Variants in ATG7 observed in about 807,000 individuals in gnomAD.
ATG7 encodes ubiquitin-like modifier-activating enzyme ATG7.
A neutral mutation model predicts 82.4 loss-of-function variants in ATG7; 70 were observed. That is an observed-to-expected ratio of 0.85 (90% CI 0.70 to 1.04). The LOEUF is 1.04. Among genes scored for constraint, ATG7 ranks in the 50% least tolerant of loss-of-function variants. The pLI, the probability that ATG7 is intolerant of heterozygous loss-of-function variation, is 0.00. For missense variants in ATG7, 792 were observed against 864.3 expected, an observed-to-expected ratio of 0.92 and a Z score of 1.05; for synonymous variants, 287 against 313.0, an observed-to-expected ratio of 0.92 and a Z score of 0.88.
chr3:11,367,423 G>C (rs1356147055), intron 18 of ATG7, among the ~76,000 whole-genome samples: 1 of 152,200 alleles, frequency 6.6e-6, no homozygotes, highest in African/African-American at 2.4e-5. Flanking sequence ...ATTGGCCCCT[G>C]TGGAAGAGAT....
chr3:11,395,863 C>T (rs1001751153), intron 19 of ATG7, among the ~76,000 whole-genome samples: 1 of 142,430 alleles, frequency 7.0e-6, no homozygotes, highest in Non-Finnish European at 1.5e-5. Flanking sequence ...TGGCGTGAAC[C>T]GAGGAGGCGG....
chr3:11,311,167 A>G (rs1383566263), intron 7 of ATG7, among the ~76,000 whole-genome samples: 1 of 152,158 alleles, frequency 6.6e-6, no homozygotes. Flanking sequence ...ACTTAAAAAA[A>G]ATTGTAAGTA....
At chr3:11,532,634 C>T (rs1244463743) in intron 20 of ATG7, among the ~76,000 whole-genome samples, 1 of 152,156 alleles carries the variant, frequency 6.6e-6, no homozygotes, top group Non-Finnish European at 1.5e-5. Flanking sequence ...GAGGCAGGAA[C>T]ACTGCTTGAG....
intron 20 of ATG7, among the ~76,000 whole-genome samples, chr3:11,473,458 A>T (rs1339108644): frequency 6.6e-6 from 1 of 152,200 alleles, no homozygotes; most frequent in Non-Finnish European, 1.5e-5. Context: ...TAAAGGGAGG[A>T]TAAATAATTT....
At chr3:11,322,119 G>T (rs902890177) in intron 9 of ATG7, among the ~76,000 whole-genome samples, 3 of 152,146 alleles carry the variant, frequency 2.0e-5, no homozygotes, top group African/African-American at 7.2e-5. Context: ...GGTGATGTAT[G>T]GTTGTTACTG....
At chr3:11,434,501 C>T (rs1289833297) in intron 20 of ATG7, among the ~76,000 whole-genome samples, 1 of 152,206 alleles carries the variant, frequency 6.6e-6, no homozygotes, top group Non-Finnish European at 1.5e-5. Flanking sequence ...AGCCTTGGCC[C>T]TCTCTCCTGA....
intron 19 of ATG7, among the ~76,000 whole-genome samples, chr3:11,400,614 A>G (rs2079744218): frequency 6.6e-6 from 1 of 151,868 alleles, no homozygotes; most frequent in Non-Finnish European, 1.5e-5. Context: ...CGCACCCCCC[A>G]CCCCAAAATA....
At chr3:11,280,167 C>T (rs1009577567) in intron 1 of ATG7, among the ~76,000 whole-genome samples, 5 of 152,114 alleles carry the variant, frequency 3.3e-5, no homozygotes, top group African/African-American at 1.2e-4. Context: ...AAGCTTCAGC[C>T]TTCCGAGTAG....
At chr3:11,541,151 C>T (rs994041568) in intron 20 of ATG7, among the ~76,000 whole-genome samples, 4 of 152,166 alleles carry the variant, frequency 2.6e-5, no homozygotes, top group South Asian at 2.1e-4. Flanking sequence ...CCGCCCGCCT[C>T]GGCCTCCCAA....
chr3:11,411,193 A>G (rs568380347), intron 19 of ATG7, among the ~76,000 whole-genome samples: 5 of 152,210 alleles, frequency 3.3e-5, no homozygotes, highest in Non-Finnish European at 2.9e-5. Context: ...TCTAATTATC[A>G]GTGATGTTGA....
At chr3:11,384,594 G>T (rs1209817369) in intron 19 of ATG7, among the ~76,000 whole-genome samples, 5 of 152,136 alleles carry the variant, frequency 3.3e-5, no homozygotes, top group Admixed American at 6.5e-5. Context: ...CTTGGTTATA[G>T]CCAGCCTGTC....
At chr3:11,449,497 G>A (rs2084901832) in intron 20 of ATG7, among the ~76,000 whole-genome samples, 1 of 152,182 alleles carries the variant, frequency 6.6e-6, no homozygotes, top group Non-Finnish European at 1.5e-5. Flanking sequence ...GACTGAGAGG[G>A]TGAGAGAGAG....
intron 20 of ATG7, among the ~76,000 whole-genome samples, chr3:11,450,351 G>A (rs1213205514): frequency 1.3e-5 from 2 of 152,274 alleles, no homozygotes; most frequent in South Asian, 2.1e-4. Context: ...AGGCCTTCAC[G>A]TGTTTGACCA....
At chr3:11,321,903 A>C (rs1353487586) in intron 9 of ATG7, among the ~76,000 whole-genome samples, 1 of 152,190 alleles carries the variant, frequency 6.6e-6, no homozygotes, top group Non-Finnish European at 1.5e-5. Context: ...TTCCATAAAA[A>C]TGGAGTTTTA....
intron 20 of ATG7, among the ~76,000 whole-genome samples, chr3:11,454,281 G>T (rs991469720): frequency 1.3e-5 from 2 of 151,854 alleles, no homozygotes; most frequent in Non-Finnish European, 2.9e-5. Flanking sequence ...CATGGTTGGG[G>T]CAAGGTAGTT....
At chr3:11,450,153 T>C (rs1197399506) in intron 20 of ATG7, among the ~76,000 whole-genome samples, 3 of 150,948 alleles carry the variant, frequency 2.0e-5, no homozygotes, top group Non-Finnish European at 4.4e-5. Flanking sequence ...ATCTTCACAA[T>C]CACTTTATTT....
intron 20 of ATG7, among the ~76,000 whole-genome samples, chr3:11,545,347 C>T (rs1009448620): frequency 6.6e-6 from 1 of 152,200 alleles, no homozygotes; most frequent in African/African-American, 2.4e-5. Flanking sequence ...GGCTTATGGA[C>T]ACCCCAGAAG....
intron 11 of ATG7, among the ~76,000 whole-genome samples, chr3:11,337,071 C>A (rs903549870): frequency 6.6e-6 from 1 of 152,198 alleles, no homozygotes; most frequent in African/African-American, 2.4e-5. Flanking sequence ...GCAGACACTG[C>A]TGCGGGTAGA....
chr3:11,387,745 C>T (rs920859856), intron 19 of ATG7, among the ~76,000 whole-genome samples: 2 of 151,778 alleles, frequency 1.3e-5, no homozygotes, highest in African/African-American at 2.4e-5. Flanking sequence ...CTGAGGCAGG[C>T]GGATCACGAG....
Sources: allele counts gnomAD v4.1 joint callset (sites outside exome capture counted in the v4.1 genomes callset), GRCh38; gene constraint gnomAD v4.1.1; transcripts MANE v1.5; gene names NCBI Gene and HGNC (gene_info 2026-07-23, HGNC 2026-07-21).